KCNT2: variants seen among roughly 807,000 people sequenced by gnomAD.
KCNT2 encodes potassium sodium-activated channel subfamily T member 2, also known as potassium channel subfamily T member 2.
Under a neutral mutation model 153.8 loss-of-function variants are expected in KCNT2, and 67 were observed. That is an observed-to-expected ratio of 0.44 (90% CI 0.36 to 0.53). KCNT2 has a LOEUF of 0.53. KCNT2 is among the 20% of genes least tolerant of loss of function. The pLI, the probability that KCNT2 is intolerant of heterozygous loss-of-function variation, is 0.00. For missense variants in KCNT2, 975 were observed against 1,354.8 expected, an observed-to-expected ratio of 0.72 and a Z score of 4.40; for synonymous variants, 500 against 458.8, an observed-to-expected ratio of 1.09 and a Z score of -1.15.
chr1:196,591,983 A>G (rs1442643197), intron 1 of KCNT2, among the ~76,000 whole-genome samples: 1 of 152,144 alleles, frequency 6.6e-6, no homozygotes, highest in Admixed American at 6.5e-5. Flanking sequence ...CCTATCTTCC[A>G]TGTGGTAGTA....
chr1:196,332,603 T>C (rs547746910), intron 17 of KCNT2, among the ~76,000 whole-genome samples: 4 of 152,124 alleles, frequency 2.6e-5, no homozygotes, highest in Non-Finnish European at 5.9e-5. Flanking sequence ...TGTCAGAGAT[T>C]ATGCTGCCAA....
chr1:196,381,860 C>A (rs928669184), intron 13 of KCNT2, among the ~76,000 whole-genome samples: 7 of 152,118 alleles, frequency 4.6e-5, no homozygotes, highest in African/African-American at 1.7e-4. Flanking sequence ...AGTTTCATTC[C>A]TTTTCAACCA....
chr1:196,350,909 G>T (rs1386827092), intron 14 of KCNT2, among the ~76,000 whole-genome samples: 1 of 152,068 alleles, frequency 6.6e-6, no homozygotes, highest in Non-Finnish European at 1.5e-5. Context: ...TCCAGTTTCA[G>T]CTTTCTACAT....
intron 21 of KCNT2, among the ~76,000 whole-genome samples, chr1:196,310,241 T>C (rs1374114084): frequency 5.3e-5 from 8 of 151,900 alleles, no homozygotes; most frequent in Non-Finnish European, 1.2e-4. Flanking sequence ...ATGTTTTTAA[T>C]TAACAGGGGG....
At chr1:196,416,116 C>T (rs1291118457) in intron 12 of KCNT2, among the ~76,000 whole-genome samples, 3 of 151,748 alleles carry the variant, frequency 2.0e-5, no homozygotes, top group Admixed American at 6.6e-5. Flanking sequence ...TATATTCACA[C>T]TATATATGCT....
At chr1:196,604,182 T>A (rs1272886394) in intron 1 of KCNT2, among the ~76,000 whole-genome samples, 1 of 152,224 alleles carries the variant, frequency 6.6e-6, no homozygotes, top group East Asian at 1.9e-4. Context: ...TGGTGCAGAA[T>A]CTTCTTGACA....
At chr1:196,244,967 G>A (rs1483890057) in intron 26 of KCNT2, among the ~76,000 whole-genome samples, 1 of 152,098 alleles carries the variant, frequency 6.6e-6, no homozygotes, top group African/African-American at 2.4e-5. Flanking sequence ...GGGTGCTTGT[G>A]TTATCCCTTC....
chr1:196,536,500 C>A (rs1345155100), intron 1 of KCNT2, among the ~76,000 whole-genome samples: 1 of 152,200 alleles, frequency 6.6e-6, no homozygotes, highest in Admixed American at 6.5e-5. Flanking sequence ...GTCCAGACAG[C>A]AGTAGCAGCT....
Position 196,423,096 on chromosome 1 carries a change from G to T in KCNT2, c.1139C>A (p.Ala380Asp). The T allele has an allele frequency of 1.2e-6, 2 of 1,602,478 alleles. No individual in the cohort carries two copies. The highest frequency in any genetic ancestry group is 1.7e-6 in the Non-Finnish European group (2 of 1,172,650). ...LLRAKMDDAE[A>D]CFILSSRCEV... ...ACAACGGCTACTGAGAATAAAACAGGCCTCAGCGTCATCCATCCTAAATAC... is the reference window on the plus strand; with the variant it reads ...ACAACGGCTACTGAGAATAAAACAGTCCTCAGCGTCATCCATCCTAAATAC... The change falls in exon 12 of 28, where the codon GCC becomes GAC. Residue 380 changes from alanine (A) to aspartate (D), a missense_variant. Ala to Asp is a moderately radical substitution (Grantham distance 126, BLOSUM62 -2). Around this residue, in one of 6 missense-constraint regions of KCNT2, gnomAD observed 202 missense variants for 314.9 expected, o/e 0.64. Coordinates refer to ENST00000294725, the MANE Select transcript of KCNT2 (RefSeq NM_198503.5).
rs554947380 is a variant in KCNT2 at position 196,502,304 on chromosome 1, AC to A, written c.96-9964del. Among the ~76,000 whole-genome samples, 386 of 152,270 alleles carry A rather than the reference AC, an allele frequency of 2.5e-3. 2 individuals are homozygous for A. The highest frequency in any genetic ancestry group is 0.014 in the Middle Eastern group (4 of 294). On this transcript the variant is annotated intron_variant, in intron 1 of 27. Transcript: ENST00000294725. ...TAATTACTCAAGCCTAACATACTCA[AC>A]ACCTTTAGTCAGTAACATTGCATAA...
chr1:196,409,447 TG>T (rs1672104437), intron 12 of KCNT2, among the ~76,000 whole-genome samples: 1 of 151,698 alleles, frequency 6.6e-6, no homozygotes, highest in East Asian at 1.9e-4. Flanking sequence ...TATGCTAGAA[TG>T]TCACTCATTT....
At chr1:196,382,018 A>G (rs1669534254) in intron 13 of KCNT2, among the ~76,000 whole-genome samples, 1 of 152,284 alleles carries the variant, frequency 6.6e-6, no homozygotes, top group South Asian at 2.1e-4. Flanking sequence ...AAGAGGATAT[A>G]CAGATACTTT....
rs189327203 is a variant in KCNT2, at chr1:196,572,341, T to C, written c.95+35874A>G. ...AAACTTGGGTAGTAGTAGATGTTGG[T>C]GTGATGACCTAGTCACTGTAAGTAG... On this transcript the variant is annotated intron_variant, in intron 1 of 27. Transcript: ENST00000294725. Among the ~76,000 whole-genome samples the C allele has an allele frequency of 1.9e-3, 282 of 152,184 alleles. 1 individual carries two copies. The highest frequency in any genetic ancestry group is 0.017 in the Admixed American group (260 of 15,270).
chr1:196,422,434 C>G (rs1673294960), intron 12 of KCNT2, among the ~76,000 whole-genome samples: 1 of 151,466 alleles, frequency 6.6e-6, no homozygotes, highest in East Asian at 1.9e-4. Flanking sequence ...TAATGAAGCA[C>G]TTAAAAAAAT....
Position 196,436,809 on chromosome 1 carries a change from T to C in KCNT2, c.639-7052A>G, listed in dbSNP as rs967685868. 2.0e-5 allele frequency among the ~76,000 whole-genome samples: 3 copies of C among 150,032 alleles called. No individual in the cohort carries two copies. In the Admixed American group the frequency reaches 2.0e-4, roughly 10 times the overall value. ...AAGCATAATATTCTATTTTGCCTTA[T>C]CATAAAAGAAATGCATCTTTTCAGT... is the stretch of plus-strand genomic sequence containing the variant. On this transcript the variant is annotated intron_variant, in intron 8 of 27. Coordinates refer to ENST00000294725, the MANE Select transcript of KCNT2 (RefSeq NM_198503.5).
intron 22 of KCNT2, among the ~76,000 whole-genome samples, chr1:196,297,690 T>C (rs1433354556): frequency 6.6e-6 from 1 of 152,200 alleles, no homozygotes; most frequent in Non-Finnish European, 1.5e-5. Context: ...AAATATTTTC[T>C]TAAAAACAGG....
At chr1:196,251,393 G>A (rs1655960127) in intron 26 of KCNT2, among the ~76,000 whole-genome samples, 2 of 151,650 alleles carry the variant, frequency 1.3e-5, no homozygotes, top group Admixed American at 1.3e-4. Flanking sequence ...TGTGTTTTTT[G>A]TTTGTTTGCT....
chr1:196,522,176 T>A lies in KCNT2; in HGVS notation c.96-29835A>T, dbSNP rs367943319. ...TCCAAACCTGCTTTCATTTTCTGCA[T>A]GCATATTTACAAATTTTGTCTTTTT... On this transcript the variant is annotated intron_variant, in intron 1 of 27. Coordinates refer to ENST00000294725, the MANE Select transcript of KCNT2 (RefSeq NM_198503.5). 2.0e-4 allele frequency among the ~76,000 whole-genome samples: 30 copies of A among 152,330 alleles called. No individual in the cohort carries two copies. The South Asian group carries it at 6.0e-3, about 30-fold the overall frequency.
chr1:196,494,398 C>A (rs148941559), intron 1 of KCNT2, among the ~76,000 whole-genome samples: 3 of 151,996 alleles, frequency 2.0e-5, no homozygotes, highest in African/African-American at 4.8e-5. Flanking sequence ...AACAGAGGAG[C>A]CTTTTTTTGT....
Sources: gnomAD v4.1 joint callset for allele counts (sites outside exome capture counted in the v4.1 genomes callset) on GRCh38, gnomAD v4.1.1 for gene constraint, gnomAD v4.1.1 regional missense constraint, MANE v1.5 for transcripts, NCBI Gene and HGNC (gene_info 2026-07-23, HGNC 2026-07-21) for gene names.